Variants in CNTN4 observed in about 807,000 individuals in gnomAD.
The protein encoded by CNTN4 is contactin 4, also known as contactin-4.
A neutral mutation model predicts 122.5 loss-of-function variants in CNTN4; 77 were observed. The ratio of observed to expected loss-of-function variants is 0.63; its 90% CI spans 0.52 to 0.76. The LOEUF (loss-of-function observed/expected upper bound fraction) is 0.76, where lower values mean the gene tolerates loss of function less well. Ranked by LOEUF, CNTN4 falls within the 30% of genes least tolerant of loss-of-function variation. The pLI is 0.00. For missense variants in CNTN4, 1,256 were observed against 1,259.1 expected (o/e 1.00, Z 0.04); for synonymous variants, 512 against 447.0 (o/e 1.15, Z -1.83).
intron 19 of CNTN4, chr3:3,039,229 TATGAA>T (rs1383456026): frequency 9.5e-6 from 5 of 524,324 alleles, no homozygotes; most frequent in African/African-American, 5.7e-5. Flanking sequence ...TAAAAACAAT[TATGAA>T]GGGAAGACAA....
At chr3:3,047,193 C>G (rs1319631836) in intron 23 of CNTN4, among the ~76,000 whole-genome samples, 1 of 151,938 alleles carries the variant, frequency 6.6e-6, no homozygotes. Flanking sequence ...CTTTAACACC[C>G]CACTGTCAAC....
At chr3:2,746,059 T>G (rs567606176) in intron 6 of CNTN4, among the ~76,000 whole-genome samples, 1 of 152,224 alleles carries the variant, frequency 6.6e-6, no homozygotes, top group Admixed American at 6.5e-5. Flanking sequence ...AAATAGAATG[T>G]GTATAAGCAA....
At chr3:2,930,067 T>C (rs151294108) in intron 13 of CNTN4, among the ~76,000 whole-genome samples, 1 of 152,330 alleles carries the variant, frequency 6.6e-6, no homozygotes, top group African/African-American at 2.4e-5. Flanking sequence ...GGTTTCACTT[T>C]GTGGAATTTT....
intron 2 of CNTN4, among the ~76,000 whole-genome samples, chr3:2,180,155 G>T (rs1469820012): frequency 6.6e-6 from 1 of 151,812 alleles, no homozygotes; most frequent in African/African-American, 2.4e-5. Context: ...GTTTTTATGA[G>T]TTTCAATTTC....
intron 4 of CNTN4, among the ~76,000 whole-genome samples, chr3:2,670,402 C>G (rs574359856): frequency 0.036 from 5,534 of 152,232 alleles, 149 homozygotes; most frequent in Non-Finnish European, 0.05. Flanking sequence ...TTATCAGAGA[C>G]TAGGATTGCA....
chr3:2,425,807 G>A (rs1386143650), intron 3 of CNTN4, among the ~76,000 whole-genome samples: 1 of 152,096 alleles, frequency 6.6e-6, no homozygotes, highest in Admixed American at 6.5e-5. Context: ...GGATTCCTAG[G>A]TATTTTATTC....
At chr3:2,946,526 A>T (rs2094680122) in intron 13 of CNTN4, among the ~76,000 whole-genome samples, 1 of 152,078 alleles carries the variant, frequency 6.6e-6, no homozygotes, top group African/African-American at 2.4e-5. Context: ...AAATCATCCA[A>T]CCAAGGGTTC....
At chr3:2,349,165 T>C (rs2044513297) in intron 3 of CNTN4, among the ~76,000 whole-genome samples, 1 of 152,246 alleles carries the variant, frequency 6.6e-6, no homozygotes. Flanking sequence ...TATCTTATTA[T>C]ACCTAGAAAT....
chr3:2,848,998 G>C (rs1461637641), intron 7 of CNTN4, among the ~76,000 whole-genome samples: 4 of 152,200 alleles, frequency 2.6e-5, no homozygotes, highest in Non-Finnish European at 5.9e-5. Context: ...GTCAGGAGAA[G>C]CTAGGCACCC....
intron 1 of CNTN4, 168 bp downstream of exon 1, chr3:2,099,146 G>C (rs1201664188): frequency 1.3e-5 from 2 of 152,238 alleles, no homozygotes; most frequent in Non-Finnish European, 2.9e-5. Context: ...GCGTCTGCGG[G>C]GCCGTCCAGC....
rs540657972 is a variant in CNTN4 at position 2,266,047 on chromosome 3, C to T, written c.-144-73131C>T. On this transcript the variant is annotated intron_variant, in intron 2 of 24. Coordinates refer to ENST00000418658, the MANE Select transcript of CNTN4 (RefSeq NM_175607.3). The stretch of plus-strand genomic sequence containing the variant: ...TTTCACTTGCTTTTCAATTTGTATG[C>T]CTTTTCTTTCTTTTTCTTTCCTAAC... Among the ~76,000 whole-genome samples, 23 of 152,052 alleles carry T rather than the reference C, an allele frequency of 1.5e-4. 1 individual carries two copies. In the South Asian group the frequency reaches 4.8e-3, roughly 32 times the overall value.
intron 3 of CNTN4, among the ~76,000 whole-genome samples, chr3:2,535,048 G>A (rs979550738): frequency 5.3e-5 from 8 of 152,202 alleles, no homozygotes; most frequent in African/African-American, 1.9e-4. Flanking sequence ...ATTGACTCTG[G>A]GCATAGCTTA....
chr3:2,358,273 G>A (rs549146571), intron 3 of CNTN4, among the ~76,000 whole-genome samples: 17 of 152,196 alleles, frequency 1.1e-4, no homozygotes, highest in African/African-American at 3.4e-4. Flanking sequence ...TCGAGCCTCC[G>A]TTTTTGCAAC....
At chr3:2,568,102 T>A (rs2149472447) in intron 3 of CNTN4, among the ~76,000 whole-genome samples, 1 of 152,206 alleles carries the variant, frequency 6.6e-6, no homozygotes, top group East Asian at 1.9e-4. Flanking sequence ...GAATTAGTAC[T>A]GTTTGGATAC....
chr3:2,593,360 C>T (rs17564391), intron 4 of CNTN4, among the ~76,000 whole-genome samples: 32,697 of 152,004 alleles, frequency 0.22, 3,638 homozygotes, highest in South Asian at 0.3. Flanking sequence ...CCTCTGTTAA[C>T]CTTCGCAATT....
At chr3:2,480,540 A>G (rs2075961801) in intron 3 of CNTN4, among the ~76,000 whole-genome samples, 1 of 152,222 alleles carries the variant, frequency 6.6e-6, no homozygotes, top group African/African-American at 2.4e-5. Flanking sequence ...AAAATGATAT[A>G]CTTTGATATA....
At chr3:2,699,631 C>T (rs763487238) in intron 4 of CNTN4, among the ~76,000 whole-genome samples, 2 of 152,132 alleles carry the variant, frequency 1.3e-5, no homozygotes, top group South Asian at 2.1e-4. Context: ...GTCCGAATGG[C>T]TAGTACAGTA....
chr3:2,380,806 A>C (rs1351388066), intron 3 of CNTN4, among the ~76,000 whole-genome samples: 1 of 152,158 alleles, frequency 6.6e-6, no homozygotes, highest in Non-Finnish European at 1.5e-5. Context: ...AAGAGAGGAA[A>C]GAGCAAACTA....
chr3:2,914,149 C>G (rs1281771160), intron 12 of CNTN4, among the ~76,000 whole-genome samples: 1 of 151,914 alleles, frequency 6.6e-6, no homozygotes, highest in Non-Finnish European at 1.5e-5. Flanking sequence ...ACGGATGCAG[C>G]AAAAGCAGTA....
Sources: gnomAD v4.1 joint callset for allele counts (sites outside exome capture counted in the v4.1 genomes callset) on GRCh38, gnomAD v4.1.1 for gene constraint, MANE v1.5 for transcripts, NCBI Gene and HGNC (gene_info 2026-07-23, HGNC 2026-07-21) for gene names.